Variants in FGD6 observed in about 807,000 individuals in gnomAD.
FGD6 encodes FYVE, RhoGEF and PH domain containing 6, also known as FYVE, RhoGEF and PH domain-containing protein 6.
A neutral mutation model predicts 149.4 loss-of-function variants in FGD6; 90 were observed. The observed-to-expected ratio is 0.60, with a 90% CI of 0.51 to 0.72. The LOEUF (loss-of-function observed/expected upper bound fraction) is 0.72, where lower values mean the gene tolerates loss of function less well. Ranked by LOEUF, FGD6 falls within the 30% of genes least tolerant of loss-of-function variation. The pLI, the probability that FGD6 is intolerant of heterozygous loss-of-function variation, is 0.00. For synonymous variants in FGD6, 527 were observed against 584.0 expected (o/e 0.90, Z 1.41); for missense variants, 1,437 against 1,684.8 (o/e 0.85, Z 2.57).
intron 14 of FGD6, among the ~76,000 whole-genome samples, chr12:95,097,132 T>G (rs1162502326): frequency 6.6e-6 from 1 of 152,198 alleles, no homozygotes; most frequent in African/African-American, 2.4e-5. Flanking sequence ...ATAACACATT[T>G]CTCACAGACC....
At chr12:95,085,346 C>T (rs1877826044) in intron 19 of FGD6, among the ~76,000 whole-genome samples, 4 of 151,242 alleles carry the variant, frequency 2.6e-5, no homozygotes. Context: ...TCCCAAGTGT[C>T]TGGGATTACA....
chr12:95,169,606 G>A (rs1880929911), intron 3 of FGD6, among the ~76,000 whole-genome samples: 1 of 152,150 alleles, frequency 6.6e-6, no homozygotes, highest in African/African-American at 2.4e-5. Context: ...CTGGGTTAAA[G>A]ATTAATCCTT....
In FGD6 at chr12:95,185,611, C is replaced by T. The variant is rs938105129; in HGVS notation, c.2442-12867G>A. ...GGCGCAGTGGCTTACGCCTGTAATC[C>T]CAGCATTTTGGGAGGCTGAGGCAGG... On this transcript the variant is annotated intron_variant, in intron 2 of 20. Coordinates refer to ENST00000343958, the MANE Select transcript of FGD6 (RefSeq NM_018351.4). Among the ~76,000 whole-genome samples the T allele has an allele frequency of 4.6e-5, 7 of 152,140 alleles. No individual in the cohort carries two copies. In the South Asian group the frequency reaches 8.3e-4, roughly 18 times the overall value.
At chr12:95,124,956 AAAG>A (rs1879292554) in intron 8 of FGD6, among the ~76,000 whole-genome samples, 1 of 152,202 alleles carries the variant, frequency 6.6e-6, no homozygotes, top group Non-Finnish European at 1.5e-5. Flanking sequence ...ATGCAGTACT[AAAG>A]AAGTGCATGC....
At chr12:95,199,127 AC>A (rs1016568319) in intron 2 of FGD6, among the ~76,000 whole-genome samples, 1 of 152,170 alleles carries the variant, frequency 6.6e-6, no homozygotes, top group Non-Finnish European at 1.5e-5. Flanking sequence ...AATTTTGCTC[AC>A]TTTCTCTATA....
rs548074418 is a variant in FGD6 at position 95,190,811 on chromosome 12, G to A, written c.2441+18032C>T. Among the ~76,000 whole-genome samples, 59 of 152,138 alleles carry A rather than the reference G, an allele frequency of 3.9e-4. 1 individual carries two copies. Among genetic ancestry groups the A allele is most frequent in the Non-Finnish European group, 1.9e-4 (13 of 68,016 alleles). On this transcript the variant is annotated intron_variant, in intron 2 of 20. Transcript: ENST00000343958. The stretch of plus-strand genomic sequence containing the variant: ...CACACCTGTAACCCCAGCACTTTGC[G>A]AGGCCAAAGCAGGAGGATTGCTTGA...
intron 14 of FGD6, chr12:95,100,843 G>A (rs539694411): frequency 2.7e-4 from 105 of 389,650 alleles, no homozygotes; most frequent in African/African-American, 2.1e-3. Context: ...CGTCTTGTTG[G>A]GCATGCTGGA....
At position 95,209,836 on chromosome 12, in the gene FGD6, T is replaced by C; in HGVS notation, c.1448A>G (p.Glu483Gly). Residue 483 changes from glutamate (E) to glycine (G), a missense_variant, in exon 2 of 21, where the codon GAA (glutamate) becomes GGA (glycine). Transcript: ENST00000343958. Reference protein sequence around the residue: ...LGVSAPQMQKESVIKEENSLR... With the variant: ...LGVSAPQMQKGSVIKEENSLR... ...AGAATTTTCCTCTTTTATAACAGAT[T>C]CCTTTTGCATTTGAGGGGCAGAAAC... The C allele has an allele frequency of 6.2e-7, 1 of 1,607,672 alleles. No individual in the cohort carries two copies. Among genetic ancestry groups the C allele is most frequent in the Non-Finnish European group, 8.5e-7 (1 of 1,178,520 alleles).
At position 95,141,546 on chromosome 12, in the gene FGD6, C is replaced by T. The variant is rs1485205133; in HGVS notation, c.2686-7G>A. On this transcript the variant is annotated splice_region_variant and splice_polypyrimidine_tract_variant and intron_variant, in intron 5 of 20. Transcript: ENST00000343958. ...CTACTGCATCCCGGAAATCCTATTA[C>T]AGTCCAGAGCAGGAAAAACAATACA... 4.3e-6 allele frequency: 7 copies of T among 1,613,728 alleles called. No individual in the cohort carries two copies. The East Asian group carries it at 8.9e-5, about 21-fold the overall frequency.
At chr12:95,161,651 C>G (rs1434862522) in intron 3 of FGD6, among the ~76,000 whole-genome samples, 2 of 152,092 alleles carry the variant, frequency 1.3e-5, no homozygotes, top group African/African-American at 4.8e-5. Context: ...ACAGGGTTTT[C>G]TTCTGTCTCC....
intron 8 of FGD6, among the ~76,000 whole-genome samples, chr12:95,116,154 A>G (rs1413163499): frequency 7.2e-5 from 11 of 152,066 alleles, no homozygotes; most frequent in African/African-American, 2.7e-4. Flanking sequence ...AAATATTCTC[A>G]CTCTGACCCC....
At chr12:95,206,293 C>CA (rs946841146) in intron 2 of FGD6, among the ~76,000 whole-genome samples, 2 of 149,680 alleles carry the variant, frequency 1.3e-5, no homozygotes, top group Non-Finnish European at 1.5e-5. Context: ...TTATTACACA[C>CA]AAAAAAATAT....
At chr12:95,126,120 A>G in intron 8 of FGD6, 1 of 1,026,824 alleles carries the variant, frequency 9.7e-7, no homozygotes, top group Non-Finnish European at 1.5e-6. Context: ...AATGAGGGAC[A>G]GAATAATCAA....
chr12:95,170,352 T>C (rs557537960), intron 3 of FGD6, among the ~76,000 whole-genome samples: 2 of 152,016 alleles, frequency 1.3e-5, no homozygotes, highest in Admixed American at 1.3e-4. Context: ...TGTTAGAACA[T>C]AGGCTAGGCC....
intron 3 of FGD6, among the ~76,000 whole-genome samples, chr12:95,153,950 T>TGTGTGA (rs796248785): frequency 0.097 from 13,672 of 140,800 alleles, 683 homozygotes; most frequent in African/African-American, 0.12. Flanking sequence ...TGTGTGTGAG[T>TGTGTGA]GAGAGAGAGA....
chr12:95,150,171 A>C (rs909989166), intron 5 of FGD6, among the ~76,000 whole-genome samples: 47 of 151,268 alleles, frequency 3.1e-4, no homozygotes, highest in Non-Finnish European at 1.3e-4. Flanking sequence ...GGGATTACAG[A>C]CATGTGCCAC....
intron 3 of FGD6, among the ~76,000 whole-genome samples, chr12:95,154,417 G>A (rs556514124): frequency 2.6e-5 from 4 of 152,224 alleles, no homozygotes; most frequent in South Asian, 2.1e-4. Context: ...ATAAAATATC[G>A]AGAGTTGGAT....
Position 95,142,142 on chromosome 12 carries a change from A to ATT in FGD6, c.2686-605_2686-604dup, listed in dbSNP as rs542164287. ...GCCACCATGCCAGGCTCACTTTTGT[A>ATT]TTTTTTTTTTTTTTTTTGAGATGGA... On this transcript the variant is annotated intron_variant, in intron 5 of 20. Coordinates refer to ENST00000343958, the MANE Select transcript of FGD6 (RefSeq NM_018351.4). Among the ~76,000 whole-genome samples, 53 of 132,640 alleles carry ATT rather than the reference A, an allele frequency of 4.0e-4. 2 individuals are homozygous for ATT. The highest frequency in any genetic ancestry group is 6.5e-4 in the African/African-American group (23 of 35,574). 87.0% of individuals were successfully genotyped at this position (132,640 alleles called of 152,430 possible).
intron 3 of FGD6, among the ~76,000 whole-genome samples, chr12:95,154,742 T>C (rs572489317): frequency 6.6e-5 from 10 of 152,204 alleles, no homozygotes; most frequent in South Asian, 2.1e-4. Context: ...GGCAATGACA[T>C]GATAAACATT....
Sources: gnomAD v4.1 joint callset for allele counts (sites outside exome capture counted in the v4.1 genomes callset) on GRCh38, gnomAD v4.1.1 for gene constraint, MANE v1.5 for transcripts, NCBI Gene and HGNC (gene_info 2026-07-23, HGNC 2026-07-21) for gene names.